SIPA1L3: variants seen among roughly 807,000 people sequenced by gnomAD.
SIPA1L3 encodes the protein signal-induced proliferation-associated 1-like protein 3.
SIPA1L3 carries 59 observed loss-of-function variants against 150.1 expected under a neutral mutation model. The ratio of observed to expected loss-of-function variants is 0.39; its 90% CI spans 0.32 to 0.49. The LOEUF is 0.49. Among genes scored for constraint, SIPA1L3 ranks in the 20% least tolerant of loss-of-function variants. The pLI, the probability that SIPA1L3 is intolerant of heterozygous loss-of-function variation, is 0.86. For synonymous variants in SIPA1L3, 1,070 were observed against 1,077.6 expected (o/e 0.99, Z 0.14); for missense variants, 2,211 against 2,489.5 (o/e 0.89, Z 2.38).
rs533737446 is a variant in SIPA1L3 at position 38,121,705 on chromosome 19, C to T, written c.2868+1823C>T. Reference sequence around the variant, plus strand: ...AGTGAGCCGAGACCCTGCCACTGCACTCCAGCTTGGGTGACAGAGCGAGAC... The same window carrying T: ...AGTGAGCCGAGACCCTGCCACTGCATTCCAGCTTGGGTGACAGAGCGAGAC... On this transcript the variant is annotated intron_variant, in intron 9 of 21. Transcript: ENST00000222345. Among the ~76,000 whole-genome samples the T allele has an allele frequency of 6.6e-5, 10 of 152,108 alleles. No individual in the cohort carries two copies. The South Asian group carries it at 1.2e-3, about 19-fold the overall frequency.
chr19:38,050,808 C>T (rs1360266209), intron 2 of SIPA1L3, among the ~76,000 whole-genome samples: 1 of 152,146 alleles, frequency 6.6e-6, no homozygotes, highest in Non-Finnish European at 1.5e-5. Context: ...CTTGTAATCT[C>T]AGCACTTTGG....
intron 12 of SIPA1L3, among the ~76,000 whole-genome samples, chr19:38,151,053 C>T (rs942581205): frequency 2.0e-5 from 3 of 152,220 alleles, no homozygotes; most frequent in Non-Finnish European, 4.4e-5. Context: ...CCTTCTGCCT[C>T]CTCTCTTCCA....
At chr19:37,934,120 A>G (rs868494715) in intron 1 of SIPA1L3, among the ~76,000 whole-genome samples, 7 of 152,242 alleles carry the variant, frequency 4.6e-5, no homozygotes, top group Middle Eastern at 6.8e-3. Flanking sequence ...ACACGTCCTC[A>G]TCTATTTTCT....
intron 15 of SIPA1L3, among the ~76,000 whole-genome samples, chr19:38,182,186 A>T (rs536886524): frequency 6.6e-6 from 1 of 151,668 alleles, no homozygotes; most frequent in East Asian, 1.9e-4. Flanking sequence ...ACTGTAAGCC[A>T]TAGTTCCCTG....
At chr19:37,935,525 T>C (rs2046592732) in intron 1 of SIPA1L3, among the ~76,000 whole-genome samples, 1 of 152,240 alleles carries the variant, frequency 6.6e-6, no homozygotes, top group South Asian at 2.1e-4. Context: ...TCTTATTTCT[T>C]GTGAACCTGT....
intron 1 of SIPA1L3, among the ~76,000 whole-genome samples, chr19:37,973,554 A>AGGGGGGGG (rs529590845): frequency 3.2e-5 from 1 of 31,714 alleles, no homozygotes; most frequent in Non-Finnish European, 6.2e-5. Flanking sequence ...AAAAAAAAAA[A>AGGGGGGGG]GCGGGAGGGG....
chr19:38,158,485 C>T (rs1040112694), intron 13 of SIPA1L3, among the ~76,000 whole-genome samples: 5 of 151,956 alleles, frequency 3.3e-5, no homozygotes, highest in Admixed American at 2.6e-4. Context: ...CACGGGGAGG[C>T]GGTTGTCCTG....
At chr19:37,970,475 C>T (rs550339517) in intron 1 of SIPA1L3, among the ~76,000 whole-genome samples, 2 of 152,276 alleles carry the variant, frequency 1.3e-5, no homozygotes, top group East Asian at 1.9e-4. Flanking sequence ...CTGCAGATAC[C>T]GTTCTGAATC....
chr19:37,944,329 C>T (rs1238273636), intron 1 of SIPA1L3, among the ~76,000 whole-genome samples: 2 of 151,964 alleles, frequency 1.3e-5, no homozygotes. Flanking sequence ...ACCTAGTGGC[C>T]TGGCTTTGCC....
chr19:37,982,025 G>A (rs8100199), intron 1 of SIPA1L3, among the ~76,000 whole-genome samples: 41,339 of 152,142 alleles, frequency 0.27, 6,675 homozygotes, highest in Non-Finnish European at 0.37. Flanking sequence ...GCATGTCCAC[G>A]TTGTGGTCAG....
chr19:38,198,469 C>T lies in SIPA1L3; in HGVS notation c.4921C>T (p.Leu1641=), dbSNP rs755518066. 4 of 1,605,336 alleles carry T rather than the reference C, an allele frequency of 2.5e-6. No individual in the cohort carries two copies. The highest frequency in any genetic ancestry group is 1.1e-5 in the South Asian group (1 of 89,922). ...LRRLDPGLMP[L]PDTAAGLEWS... is the part of the protein sequence containing the mutation. ...GCGCCTGGACCCTGGGCTGATGCCCCTGCCTGACACAGCTGCTGGCCTCGA... is the reference window on the plus strand; with the variant it reads ...GCGCCTGGACCCTGGGCTGATGCCCTTGCCTGACACAGCTGCTGGCCTCGA... Residue 1641 remains leucine (L), a synonymous_variant, in exon 19 of 22, where the codon CTG becomes TTG. Coordinates refer to ENST00000222345, the MANE Select transcript of SIPA1L3 (RefSeq NM_015073.3).
At chr19:37,934,138 G>A (rs1162081107) in intron 1 of SIPA1L3, among the ~76,000 whole-genome samples, 4 of 152,050 alleles carry the variant, frequency 2.6e-5, no homozygotes, top group Admixed American at 1.3e-4. Flanking sequence ...TCTAGCTCCC[G>A]GTGTCAGCAA....
intron 7 of SIPA1L3, 53 bp downstream of exon 7, chr19:38,106,693 C>G: frequency 8.3e-7 from 1 of 1,201,390 alleles, no homozygotes; most frequent in Non-Finnish European, 1.2e-6. Context: ...GCCCACCCAC[C>G]AGCATTGGCC....
chr19:38,112,317 C>T (rs148051545), intron 8 of SIPA1L3, among the ~76,000 whole-genome samples: 2,398 of 152,286 alleles, frequency 0.016, 27 homozygotes, highest in Non-Finnish European at 0.027. Flanking sequence ...CACACATACA[C>T]ACATGCACAC....
intron 13 of SIPA1L3, among the ~76,000 whole-genome samples, chr19:38,161,355 A>C (rs185973284): frequency 2.8e-4 from 43 of 151,424 alleles, no homozygotes; most frequent in African/African-American, 9.0e-4. Flanking sequence ...AAAAAAAAAA[A>C]AAAAAACTAT....
At chr19:38,169,723 T>TA (rs1353075104) in intron 15 of SIPA1L3, among the ~76,000 whole-genome samples, 1 of 152,170 alleles carries the variant, frequency 6.6e-6, no homozygotes, top group African/African-American at 2.4e-5. Context: ...CAAGACCTGT[T>TA]ACAGGCAGTG....
intron 4 of SIPA1L3, among the ~76,000 whole-genome samples, chr19:38,094,749 G>A (rs1600059993): frequency 6.6e-6 from 1 of 152,124 alleles, no homozygotes; most frequent in African/African-American, 2.4e-5. Flanking sequence ...CCTGGACAAC[G>A]TAGCGAGACC....
At chr19:38,050,151 T>C (rs1969155881) in intron 2 of SIPA1L3, among the ~76,000 whole-genome samples, 1 of 152,224 alleles carries the variant, frequency 6.6e-6, no homozygotes, top group South Asian at 2.1e-4. Context: ...AGATAATATA[T>C]GTAAAGCATT....
intron 1 of SIPA1L3, among the ~76,000 whole-genome samples, chr19:37,959,200 A>G (rs2046836370): frequency 6.6e-6 from 1 of 152,242 alleles, no homozygotes; most frequent in Non-Finnish European, 1.5e-5. Flanking sequence ...ATACTAATAT[A>G]TGTTCACATA....
Sources: gnomAD v4.1 joint callset for allele counts (sites outside exome capture counted in the v4.1 genomes callset) on GRCh38, gnomAD v4.1.1 for gene constraint, MANE v1.5 for transcripts, NCBI Gene and HGNC (gene_info 2026-07-23, HGNC 2026-07-21) for gene names.